The following TBCA variants were observed in gnomAD, a reference collection of about 807,000 sequenced individuals.
TBCA encodes tubulin folding cofactor A.
In TBCA, 6 loss-of-function variants were observed where a neutral mutation model predicts 15.8. The ratio of observed to expected loss-of-function variants is 0.38; its 90% CI spans 0.21 to 0.75. The LOEUF (loss-of-function observed/expected upper bound fraction) is 0.75, where lower values mean the gene tolerates loss of function less well. Ranked by LOEUF, TBCA falls within the 30% of genes least tolerant of loss-of-function variation. The pLI is 0.46. For missense variants in TBCA, 90 were observed against 131.2 expected, an observed-to-expected ratio of 0.69 and a Z score of 1.53; for synonymous variants, 32 against 42.3, an observed-to-expected ratio of 0.76 and a Z score of 0.94.
chr5:77,709,963 A>G (rs989912566), intron 1 of TBCA, among the ~76,000 whole-genome samples: 7 of 152,232 alleles, frequency 4.6e-5, no homozygotes, highest in Non-Finnish European at 8.8e-5. Context: ...GCAAATCTAT[A>G]GAAACGTAAA....
rs1438507637 is a variant in TBCA, at chr5:77,691,694, A to G, written c.247-196T>C. On this transcript the variant is annotated intron_variant, in intron 3 of 3. Transcript: ENST00000380377. The stretch of plus-strand genomic sequence containing the variant: ...TTCTTTACAAGGAAAGGAAGAAATA[A>G]CTGGTGGTTTTGTTTCACTGTATAT... The G allele has an allele frequency of 2.3e-6, 3 of 1,326,422 alleles. No individual in the cohort carries two copies. The African/African-American group carries it at 4.6e-5, about 20-fold the overall frequency. 82.2% of individuals were successfully genotyped at this position (1,326,422 alleles called of 1,614,324 possible).
intron 1 of TBCA, among the ~76,000 whole-genome samples, chr5:77,772,298 A>G (rs1747933727): frequency 6.6e-6 from 1 of 152,098 alleles, no homozygotes; most frequent in South Asian, 2.1e-4. Flanking sequence ...ATATGTTACC[A>G]TTGCTGCCTC....
At chr5:77,702,878 G>T (rs1000338434) in intron 2 of TBCA, among the ~76,000 whole-genome samples, 1 of 152,142 alleles carries the variant, frequency 6.6e-6, no homozygotes, top group Non-Finnish European at 1.5e-5. Context: ...TTGGATGATT[G>T]TAAGTTATTT....
chr5:77,709,576 T>C (rs1466770207), intron 1 of TBCA, among the ~76,000 whole-genome samples: 3 of 152,196 alleles, frequency 2.0e-5, no homozygotes, highest in Non-Finnish European at 4.4e-5. Context: ...CCATCAAACA[T>C]TGCTGGATGG....
rs148116402 is a variant in TBCA at position 77,743,854 on chromosome 5, T to C, written c.53+32351A>G. The stretch of plus-strand genomic sequence containing the variant: ...CACAAAGTTGTGCCAGGTACCATCG[T>C]AGGCACTAGGCATATAATGGTAAAT... On this transcript the variant is annotated intron_variant, in intron 1 of 3. Transcript: ENST00000380377. 2.0e-4 allele frequency among the ~76,000 whole-genome samples: 30 copies of C among 152,324 alleles called. No individual in the cohort carries two copies. The East Asian group carries it at 5.4e-3, about 27-fold the overall frequency.
intron 1 of TBCA, among the ~76,000 whole-genome samples, chr5:77,774,884 C>T (rs186537263): frequency 6.6e-6 from 1 of 151,814 alleles, no homozygotes; most frequent in Non-Finnish European, 1.5e-5. Context: ...ATCTCAGGAC[C>T]CCAAAATCAC....
chr5:77,733,242 T>C (rs934509193), intron 1 of TBCA, among the ~76,000 whole-genome samples: 4 of 152,076 alleles, frequency 2.6e-5, no homozygotes, highest in Non-Finnish European at 5.9e-5. Context: ...GATCGGGCTA[T>C]TGCACTCCAG....
At chr5:77,720,514 G>A in intron 1 of TBCA, among the ~76,000 whole-genome samples, 1 of 152,132 alleles carries the variant, frequency 6.6e-6, no homozygotes, top group African/African-American at 2.4e-5. Context: ...AGGAGTTCAA[G>A]ACCAGCTTGG....
chr5:77,771,473 C>T (rs140645868), intron 1 of TBCA, among the ~76,000 whole-genome samples: 1 of 152,290 alleles, frequency 6.6e-6, no homozygotes, highest in African/African-American at 2.4e-5. Context: ...AAATCAGATG[C>T]TTTGCCATTT....
chr5:77,709,704 T>C (rs1746232668), intron 1 of TBCA, among the ~76,000 whole-genome samples: 1 of 152,046 alleles, frequency 6.6e-6, no homozygotes, highest in East Asian at 1.9e-4. Context: ...AAAATAAAAA[T>C]ATATGCCCAC....
chr5:77,758,485 AAGGGAC>A (rs1747529792), intron 1 of TBCA, among the ~76,000 whole-genome samples: 1 of 152,214 alleles, frequency 6.6e-6, no homozygotes, highest in Non-Finnish European at 1.5e-5. Flanking sequence ...GAGCCCTTAA[AAGGGAC>A]AGGAATTGCT....
At chr5:77,705,198 G>A (rs1746121303) in intron 2 of TBCA, among the ~76,000 whole-genome samples, 1 of 152,040 alleles carries the variant, frequency 6.6e-6, no homozygotes. Context: ...ATTTAGAAAG[G>A]GAACACATTT....
At chr5:77,699,051 A>AAAAAAAAAG in intron 2 of TBCA, among the ~76,000 whole-genome samples, 1 of 149,020 alleles carries the variant, frequency 6.7e-6, no homozygotes, top group Non-Finnish European at 1.5e-5. Context: ...AAAAAAAAAA[A>AAAAAAAAAG]AAAAAAAGAA....
intron 1 of TBCA, among the ~76,000 whole-genome samples, chr5:77,772,278 A>G (rs1367678135): frequency 2.0e-5 from 3 of 152,076 alleles, no homozygotes; most frequent in Non-Finnish European, 4.4e-5. Context: ...TTCAGCCCCA[A>G]CAATTAGTAA....
intron 1 of TBCA, among the ~76,000 whole-genome samples, chr5:77,732,542 C>G (rs553130265): frequency 1.0e-5 from 1 of 98,944 alleles, no homozygotes; most frequent in Admixed American, 1.3e-4. Context: ...CAGAGTGAGA[C>G]TCTGTCTCAA....
chr5:77,691,805 T>G lies in TBCA; in HGVS notation c.247-307A>C, dbSNP rs1026903291. On this transcript the variant is annotated intron_variant, in intron 3 of 3. Transcript: ENST00000380377. Reference sequence around the variant, plus strand: ...CCTCAGAAAAAGTTTATTCTCATTTTGTTGACCCATCATCATCATACAAAA... The same window carrying G: ...CCTCAGAAAAAGTTTATTCTCATTTGGTTGACCCATCATCATCATACAAAA... 2.9e-6 allele frequency: 3 copies of G among 1,037,696 alleles called. No homozygotes were observed. In the African/African-American group the frequency reaches 5.1e-5, roughly 18 times the overall value. The allele number at this position is 1,037,696 out of a possible 1,614,324, so 64.3% of individuals were successfully genotyped here. A position where few individuals can be genotyped will look rare whatever the true frequency, so the allele number is the denominator to read the frequency against.
At position 77,750,147 on chromosome 5, in the gene TBCA, T is replaced by G. The variant is rs535434814; in HGVS notation, c.53+26058A>C. On this transcript the variant is annotated intron_variant, in intron 1 of 3. Coordinates refer to ENST00000380377, the MANE Select transcript of TBCA (RefSeq NM_004607.3). ...CAAATTTGTGCTCTCTCTCTATATA[T>G]ATAGAGAGAGAGCACAAATATATAT... Among the ~76,000 whole-genome samples the G allele has an allele frequency of 1.6e-4, 24 of 150,634 alleles. No individual in the cohort carries two copies. The South Asian group carries it at 1.7e-3, about 11-fold the overall frequency.
At chr5:77,701,407 AT>A (rs1450437789) in intron 2 of TBCA, among the ~76,000 whole-genome samples, 3 of 152,004 alleles carry the variant, frequency 2.0e-5, no homozygotes, top group African/African-American at 4.8e-5. Context: ...AAATAAAAAA[AT>A]AATAGATGTT....
intron 1 of TBCA, among the ~76,000 whole-genome samples, chr5:77,743,926 A>T (rs1747108224): frequency 6.6e-6 from 1 of 152,196 alleles, no homozygotes. Context: ...CTCTAGTGGA[A>T]GATCCAAAGA....
Sources: gnomAD v4.1 joint callset for allele counts (sites outside exome capture counted in the v4.1 genomes callset) on GRCh38, gnomAD v4.1.1 for gene constraint, MANE v1.5 for transcripts, NCBI Gene and HGNC (gene_info 2026-07-23, HGNC 2026-07-21) for gene names.